PTPRB: variants seen among roughly 807,000 people sequenced by gnomAD.
PTPRB encodes protein tyrosine phosphatase receptor type B.
In PTPRB, 97 loss-of-function variants were observed where a neutral mutation model predicts 238.1. That is an observed-to-expected ratio of 0.41 (90% CI 0.35 to 0.48). PTPRB has a LOEUF of 0.48. Among genes scored for constraint, PTPRB ranks in the 20% least tolerant of loss-of-function variants. The pLI, the probability that PTPRB is intolerant of heterozygous loss-of-function variation, is 0.30. For missense variants in PTPRB, 2,292 were observed against 2,681.9 expected (o/e 0.85, Z 3.21); for synonymous variants, 970 against 995.4 (o/e 0.97, Z 0.48).
At chr12:70,536,416 A>AAAAC (rs1874129485) in intron 28 of PTPRB, among the ~76,000 whole-genome samples, 1 of 152,210 alleles carries the variant, frequency 6.6e-6, no homozygotes, top group Non-Finnish European at 1.5e-5. Context: ...AATGATCTAG[A>AAAAC]AAACACTTCA....
chr12:70,587,548 A>G (rs573816196), intron 8 of PTPRB, among the ~76,000 whole-genome samples: 36 of 152,318 alleles, frequency 2.4e-4, no homozygotes, highest in African/African-American at 8.2e-4. Flanking sequence ...CTGTAATACA[A>G]AAATATTTAC....
Position 70,520,078 on chromosome 12 carries a change from G to T in PTPRB, c.*1411C>A. On this transcript the variant is annotated 3_prime_UTR_variant, in exon 34 of 34. Coordinates refer to ENST00000334414, the MANE Select transcript of PTPRB (RefSeq NM_001109754.4). Reference sequence around the variant, plus strand: ...AGGAAGCTATGCCATCAACAAACTTGACCTCTAATTCCCAAGTTTATTACA... The same window carrying T: ...AGGAAGCTATGCCATCAACAAACTTTACCTCTAATTCCCAAGTTTATTACA... 2.8e-6 allele frequency: 1 copy of T among 359,640 alleles called. No homozygotes were observed. Among genetic ancestry groups the T allele is most frequent in the East Asian group, 8.3e-5 (1 of 12,092 alleles). 22.3% of individuals were successfully genotyped at this position (359,640 alleles called of 1,614,324 possible).
chr12:70,552,753 C>A (rs1483831927), intron 21 of PTPRB, 24 bp downstream of exon 21: 1 of 1,612,364 alleles, frequency 6.2e-7, no homozygotes, highest in Non-Finnish European at 8.5e-7. Context: ...TCCCTTCTAG[C>A]AAAACAGTGG....
intron 7 of PTPRB, among the ~76,000 whole-genome samples, chr12:70,591,044 G>C (rs1456643725): frequency 1.4e-5 from 2 of 143,216 alleles, no homozygotes; most frequent in African/African-American, 5.2e-5. Context: ...AATCCTCCCA[G>C]CTCAGCCTCC....
intron 33 of PTPRB, chr12:70,522,571 G>A (rs1177439178): frequency 6.6e-6 from 1 of 152,162 alleles, no homozygotes; most frequent in African/African-American, 2.4e-5. Context: ...AGAGTAAGAC[G>A]ACGCAGGAGG....
At chr12:70,609,879 G>A in intron 3 of PTPRB, 2 of 1,485,620 alleles carry the variant, frequency 1.3e-6, no homozygotes, top group Admixed American at 2.1e-5. Flanking sequence ...CCGAGGGCCG[G>A]GGCAGGGGGT....
intron 10 of PTPRB, among the ~76,000 whole-genome samples, chr12:70,580,780 C>T (rs184210807): frequency 3.1e-4 from 47 of 150,998 alleles, no homozygotes; most frequent in East Asian, 9.7e-4. Context: ...ATCACGCCAT[C>T]GCACTCCAGC....
chr12:70,583,881 T>C (rs1343250350), intron 9 of PTPRB, among the ~76,000 whole-genome samples: 1 of 151,990 alleles, frequency 6.6e-6, no homozygotes, highest in African/African-American at 2.4e-5. Context: ...AGGCTTACAG[T>C]AAAAAGAAAT....
chr12:70,612,485 C>G (rs1261881213), intron 3 of PTPRB, among the ~76,000 whole-genome samples: 1 of 152,062 alleles, frequency 6.6e-6, no homozygotes, highest in Non-Finnish European at 1.5e-5. Context: ...TTCTCTTGAG[C>G]CTGCTTGTCC....
chr12:70,522,863 C>CTTTTTTTTTTTTTT (rs35913444), intron 33 of PTPRB, among the ~76,000 whole-genome samples: 2 of 118,238 alleles, frequency 1.7e-5, no homozygotes, highest in African/African-American at 3.3e-5. Flanking sequence ...TTTGTTTTTT[C>CTTTTTTTTTTTTTT]TTTTTTTTTT....
chr12:70,581,850 A>C (rs780481964), intron 9 of PTPRB, among the ~76,000 whole-genome samples: 18 of 151,612 alleles, frequency 1.2e-4, no homozygotes, highest in Non-Finnish European at 2.4e-4. Context: ...TAATAACAAC[A>C]ACTACTGAAG....
chr12:70,524,471 C>A lies in PTPRB; in HGVS notation c.6625G>T (p.Asp2209Tyr), dbSNP rs770911663. The change falls in exon 33 of 34, where the codon GAT (aspartate) becomes TAT (tyrosine). Residue 2209 changes from aspartate (D) to tyrosine (Y), a missense_variant and splice_region_variant. Asp to Tyr is a radical substitution (Grantham distance 160, BLOSUM62 -3). This residue lies in a region of PTPRB where 397 missense variants were observed against 502.0 expected (regional missense o/e 0.79). Coordinates refer to ENST00000334414, the MANE Select transcript of PTPRB (RefSeq NM_001109754.4). ...GGAAGTAAGTGAAGTAAGTGCCCAC[C>A]TCTGTGATACTCTGGATTCACATTT... Reference protein sequence around the residue: ...YENVNPEYHRDPVYSRH With the variant: ...YENVNPEYHRYPVYSRH 6.2e-7 allele frequency: 1 copy of A among 1,603,868 alleles called. No individual in the cohort carries two copies. Among genetic ancestry groups the A allele is most frequent in the East Asian group, 2.2e-5 (1 of 44,636 alleles).
intron 31 of PTPRB, 98 bp from the exon 32 acceptor site, chr12:70,532,268 A>AGTT (rs1873375968): frequency 4.4e-6 from 6 of 1,378,382 alleles, no homozygotes; most frequent in Non-Finnish European, 4.9e-6. Context: ...TTCCCTTCCC[A>AGTT]GTTATGGGAG....
At chr12:70,592,673 G>T in intron 6 of PTPRB, 128 bp from the exon 7 acceptor site, 1 of 980,846 alleles carries the variant, frequency 1.0e-6, no homozygotes, top group East Asian at 2.5e-5. Context: ...AGCACTTCAA[G>T]AGGCAAATAT....
chr12:70,532,147 G>A lies in PTPRB; in HGVS notation c.6392C>T (p.Thr2131Ile). The change falls in exon 32 of 34, where the codon ACC becomes ATC. Residue 2131 changes from threonine to isoleucine, a missense_variant. Thr to Ile is a moderately conservative substitution (Grantham distance 89, BLOSUM62 -1). Coordinates refer to ENST00000334414, the MANE Select transcript of PTPRB (RefSeq NM_001109754.4). ...HCSAGVGRTG[T>I]FIALDRILQQ... is the part of the protein sequence containing the mutation. ...GAGGATTCGGTCCAATGCAATAAAG[G>A]TTCCAGTCCTACCCACACCAGCACT... The A allele has an allele frequency of 6.2e-7, 1 of 1,613,048 alleles. No individual in the cohort carries two copies. The highest frequency in any genetic ancestry group is 8.5e-7 in the Non-Finnish European group (1 of 1,179,544).
At chr12:70,566,790 G>T in intron 14 of PTPRB, 86 bp from the exon 15 acceptor site, 1 of 1,381,376 alleles carries the variant, frequency 7.2e-7, no homozygotes, top group Non-Finnish European at 9.9e-7. Flanking sequence ...TGAATCAACT[G>T]CAGGTAGAAG....
chr12:70,610,443 T>TCCTATCTTCCTC (rs1214847813), intron 3 of PTPRB, among the ~76,000 whole-genome samples: 2 of 142,744 alleles, frequency 1.4e-5, no homozygotes, highest in Non-Finnish European at 3.1e-5. Context: ...CTATCTTCCT[T>TCCTATCTTCCTC]CCTATCTTCC....
intron 28 of PTPRB, 83 bp from the exon 29 acceptor site, chr12:70,536,242 T>C (rs1380875288): frequency 6.9e-6 from 10 of 1,453,622 alleles, no homozygotes; most frequent in Non-Finnish European, 9.3e-6. Context: ...GATTAGATGA[T>C]AGGGAGGTCT....
chr12:70,575,501 G>C (rs1376479696), intron 11 of PTPRB, among the ~76,000 whole-genome samples: 1 of 152,162 alleles, frequency 6.6e-6, no homozygotes, highest in Non-Finnish European at 1.5e-5. Flanking sequence ...GGACTCCCAG[G>C]TGGGACCCCT....
Sources: allele counts gnomAD v4.1 joint callset (sites outside exome capture counted in the v4.1 genomes callset), GRCh38; gene constraint gnomAD v4.1.1; regional missense constraint gnomAD v4.1.1; transcripts MANE v1.5; gene names NCBI Gene and HGNC (gene_info 2026-07-23, HGNC 2026-07-21).